WDR70: variants seen among roughly 807,000 people sequenced by gnomAD.
The protein encoded by WDR70 is WD repeat domain 70.
WDR70 carries 53 observed loss-of-function variants against 88.6 expected under a neutral mutation model. The observed-to-expected ratio is 0.60, with a 90% CI of 0.48 to 0.75. The LOEUF is 0.75. Among genes scored for constraint, WDR70 ranks in the 30% least tolerant of loss-of-function variants. The probability of loss-of-function intolerance (pLI) is 0.00; values close to 1 mark genes in which losing one functional copy is unlikely to be tolerated. For missense variants in WDR70, 610 were observed against 823.2 expected (o/e 0.74, Z 3.17); for synonymous variants, 280 against 270.0 (o/e 1.04, Z -0.36).
chr5:37,590,849 A>G (rs1449409836), intron 9 of WDR70, among the ~76,000 whole-genome samples: 2 of 152,176 alleles, frequency 1.3e-5, no homozygotes, highest in African/African-American at 4.8e-5. Context: ...CCAAGATTCA[A>G]CCTTAAGAAA....
At chr5:37,690,778 A>G (rs1746768004) in intron 10 of WDR70, among the ~76,000 whole-genome samples, 1 of 152,252 alleles carries the variant, frequency 6.6e-6, no homozygotes, top group Non-Finnish European at 1.5e-5. Context: ...AAGACCATCG[A>G]TGCTATGAAG....
chr5:37,588,225 G>T (rs1380533941), intron 9 of WDR70, among the ~76,000 whole-genome samples: 1 of 152,084 alleles, frequency 6.6e-6, no homozygotes, highest in Non-Finnish European at 1.5e-5. Flanking sequence ...AAGAAAGGAA[G>T]TCAAAATGGG....
At chr5:37,692,889 A>G (rs1746849589) in intron 10 of WDR70, among the ~76,000 whole-genome samples, 1 of 137,736 alleles carries the variant, frequency 7.3e-6, no homozygotes, top group South Asian at 2.5e-4. Flanking sequence ...AGAGAAAGAA[A>G]TAAAGGTATT....
intron 2 of WDR70, among the ~76,000 whole-genome samples, chr5:37,381,135 G>T (rs1748412211): frequency 6.6e-6 from 1 of 152,134 alleles, no homozygotes; most frequent in African/African-American, 2.4e-5. Flanking sequence ...TAAAGTACCT[G>T]CATTACTTCT....
chr5:37,643,157 T>A (rs1044046783), intron 10 of WDR70, among the ~76,000 whole-genome samples: 2 of 152,162 alleles, frequency 1.3e-5, no homozygotes, highest in Non-Finnish European at 2.9e-5. Flanking sequence ...TATTTGGTTG[T>A]TGTATATGCG....
At chr5:37,562,878 T>C (rs1467152962) in intron 9 of WDR70, among the ~76,000 whole-genome samples, 4 of 151,888 alleles carry the variant, frequency 2.6e-5, no homozygotes, top group Non-Finnish European at 5.9e-5. Flanking sequence ...CCATTCGATT[T>C]CTCAATCTTT....
chr5:37,446,206 G>A (rs912708339), intron 7 of WDR70, among the ~76,000 whole-genome samples: 2 of 152,096 alleles, frequency 1.3e-5, no homozygotes, highest in African/African-American at 2.4e-5. Context: ...CAAAGAGAAT[G>A]AAATACCTAG....
At chr5:37,389,311 C>T (rs939693714) in intron 3 of WDR70, among the ~76,000 whole-genome samples, 2 of 139,746 alleles carry the variant, frequency 1.4e-5, no homozygotes, top group African/African-American at 6.6e-5. Context: ...CCAGGCTGGT[C>T]TCGAACTCCT....
chr5:37,445,695 A>G (rs1738446828), intron 7 of WDR70, among the ~76,000 whole-genome samples: 3 of 152,230 alleles, frequency 2.0e-5, no homozygotes, highest in Admixed American at 2.0e-4. Flanking sequence ...AAACCACTTG[A>G]TTATCTCAGT....
intron 6 of WDR70, among the ~76,000 whole-genome samples, chr5:37,439,653 C>T (rs1191344034): frequency 6.9e-6 from 1 of 144,866 alleles, no homozygotes. Flanking sequence ...GCAATCCTGC[C>T]TTTGTTCTAC....
chr5:37,484,569 GGGGAGAGGGAGA>G (rs879216061), intron 8 of WDR70, among the ~76,000 whole-genome samples: 1 of 152,002 alleles, frequency 6.6e-6, no homozygotes, highest in Non-Finnish European at 1.5e-5. Context: ...GGGAGACCGT[GGGGAGAGGGAGA>G]GGGAGAGGGA....
chr5:37,683,951 A>G (rs1041187265), intron 10 of WDR70, among the ~76,000 whole-genome samples: 2 of 151,534 alleles, frequency 1.3e-5, no homozygotes, highest in African/African-American at 4.9e-5. Context: ...AGTTGTTTCC[A>G]TTCTCCCCAT....
Position 37,625,674 on chromosome 5 carries a change from G to A in WDR70, c.1092+20436G>A, listed in dbSNP as rs569449239. 2.1e-4 allele frequency among the ~76,000 whole-genome samples: 32 copies of A among 151,882 alleles called. No individual in the cohort carries two copies. The South Asian group carries it at 3.1e-3, about 15-fold the overall frequency. ...TGAGTAGTTGGGATTACAGGTGCCC[G>A]CCACCATGCCTAGCTAATTTTTTTT... On this transcript the variant is annotated intron_variant, in intron 10 of 17. Coordinates refer to ENST00000265107, the MANE Select transcript of WDR70 (RefSeq NM_018034.4).
chr5:37,430,564 T>G (rs1750270409), intron 5 of WDR70, among the ~76,000 whole-genome samples: 1 of 152,102 alleles, frequency 6.6e-6, no homozygotes, highest in African/African-American at 2.4e-5. Context: ...TTTCTTTTCT[T>G]TTTTTCTTTT....
At chr5:37,525,475 A>G (rs1345270955) in intron 9 of WDR70, among the ~76,000 whole-genome samples, 7 of 152,240 alleles carry the variant, frequency 4.6e-5, no homozygotes, top group Non-Finnish European at 1.0e-4. Flanking sequence ...GACACATTTA[A>G]AGCAGTGTAT....
intron 10 of WDR70, among the ~76,000 whole-genome samples, chr5:37,641,226 A>G (rs2112542014): frequency 6.6e-6 from 1 of 151,492 alleles, no homozygotes. Flanking sequence ...AACGATTCTC[A>G]TGCCTCAGCC....
intron 10 of WDR70, among the ~76,000 whole-genome samples, chr5:37,636,288 T>C (rs554186752): frequency 1.3e-5 from 2 of 152,212 alleles, no homozygotes; most frequent in South Asian, 4.2e-4. Context: ...CTGATAGAAA[T>C]AATAAGTAGA....
At chr5:37,739,778 A>G (rs571922032) in intron 17 of WDR70, among the ~76,000 whole-genome samples, 1 of 152,158 alleles carries the variant, frequency 6.6e-6, no homozygotes, top group African/African-American at 2.4e-5. Flanking sequence ...ATTTCTCCTA[A>G]TGCTATCCCT....
rs1323981634 is a variant in WDR70, at chr5:37,396,550, G to A, written c.472G>A (p.Glu158Lys). The A allele has an allele frequency of 6.2e-7, 1 of 1,610,206 alleles. No individual in the cohort carries two copies. The highest frequency in any genetic ancestry group is 1.7e-5 in the Admixed American group (1 of 59,540). ...EEEEEAEEEE[E>K]EEEEEENPVH... ...AGAAGAAGAAGCAGAGGAAGAAGAA[G>A]AGGAAGAGGAGGAAGAGGAAGTAAG... The change falls in exon 5 of 18, where the codon GAG becomes AAG. Residue 158 changes from glutamate (E) to lysine (K), a missense_variant. This residue lies in a region of WDR70 where 203 missense variants were observed against 228.1 expected (regional missense o/e 0.89). Transcript: ENST00000265107.
Sources: allele counts gnomAD v4.1 joint callset (sites outside exome capture counted in the v4.1 genomes callset), GRCh38; gene constraint gnomAD v4.1.1; regional missense constraint gnomAD v4.1.1; transcripts MANE v1.5; gene names NCBI Gene and HGNC (gene_info 2026-07-23, HGNC 2026-07-21).